ATF7IP: variants seen among roughly 807,000 people sequenced by gnomAD.
ATF7IP encodes activating transcription factor 7-interacting protein 1.
In ATF7IP, 23 loss-of-function variants were observed where a neutral mutation model predicts 106.4. The observed-to-expected ratio is 0.22, with a 90% confidence interval of 0.16 to 0.31. The LOEUF is 0.31. ATF7IP is among the 10% of genes least tolerant of loss of function. The pLI, the probability that ATF7IP is intolerant of heterozygous loss-of-function variation, is 1.00. For synonymous variants in ATF7IP, 542 were observed against 539.0 expected (o/e 1.01, Z -0.08); for missense variants, 1,334 against 1,524.3 (o/e 0.88, Z 2.08).
chr12:14,474,678 C>T (rs578243420), intron 10 of ATF7IP, among the ~76,000 whole-genome samples: 105 of 152,196 alleles, frequency 6.9e-4, no homozygotes, highest in African/African-American at 2.5e-3. Context: ...GGATTACAGG[C>T]GCGAGCCACT....
chr12:14,412,850 C>T (rs140266868), intron 1 of ATF7IP, among the ~76,000 whole-genome samples: 25 of 152,124 alleles, frequency 1.6e-4, no homozygotes, highest in African/African-American at 5.8e-4. Flanking sequence ...CCCGTCTCTA[C>T]TAAAAATACA....
intron 2 of ATF7IP, among the ~76,000 whole-genome samples, chr12:14,432,563 T>C (rs1402345816): frequency 2.0e-5 from 3 of 152,220 alleles, no homozygotes; most frequent in Admixed American, 6.5e-5. Context: ...TGTACTGTGT[T>C]AGCTTATTGT....
chr12:14,416,310 C>T (rs1941204114), intron 1 of ATF7IP, among the ~76,000 whole-genome samples: 1 of 151,914 alleles, frequency 6.6e-6, no homozygotes, highest in African/African-American at 2.4e-5. Context: ...AAAATAAACT[C>T]AAATTAAAAT....
intron 1 of ATF7IP, among the ~76,000 whole-genome samples, chr12:14,374,945 TGG>T (rs751398413): frequency 1.3e-5 from 2 of 152,170 alleles, no homozygotes; most frequent in Non-Finnish European, 2.9e-5. Flanking sequence ...ATAAGTTTCC[TGG>T]GGTTAGGAAT....
intron 13 of ATF7IP, among the ~76,000 whole-genome samples, chr12:14,484,418 C>A (rs924269978): frequency 2.0e-5 from 3 of 152,220 alleles, no homozygotes; most frequent in Admixed American, 1.3e-4. Context: ...CAAATATCTT[C>A]ATAGTTTTTG....
intron 1 of ATF7IP, among the ~76,000 whole-genome samples, chr12:14,410,715 A>G (rs115685886): frequency 0.018 from 2,727 of 152,160 alleles, 87 homozygotes; most frequent in African/African-American, 0.063. Context: ...GTTATTGTCA[A>G]TCTCTTACTG....
At chr12:14,387,330 T>C (rs1287065189) in intron 1 of ATF7IP, among the ~76,000 whole-genome samples, 2 of 152,256 alleles carry the variant, frequency 1.3e-5, no homozygotes, top group East Asian at 1.9e-4. Context: ...TTGATCACTC[T>C]TATTTTCATG....
rs768457241 is a variant in ATF7IP at position 14,425,357 on chromosome 12, A to C, written c.1442A>C (p.Gln481Pro). The C allele has an allele frequency of 1.2e-6, 2 of 1,612,890 alleles. No homozygotes were observed. The highest frequency in any genetic ancestry group is 1.7e-6 in the Non-Finnish European group (2 of 1,179,718). ...MESSFGSPSK[Q>P]ESSESLPKEA... Reference sequence around the variant, plus strand: ...AGTTCTTTTGGTTCACCATCTAAACAAGAAAGTAGTGAGAGTTTGCCAAAA... The same window carrying C: ...AGTTCTTTTGGTTCACCATCTAAACCAGAAAGTAGTGAGAGTTTGCCAAAA... Residue 481 changes from glutamine to proline, a missense_variant, in exon 2 of 15, where the codon CAA becomes CCA. This residue lies in a region of ATF7IP where 41 missense variants were observed against 60.4 expected (regional missense o/e 0.68). Coordinates refer to ENST00000261168, the MANE Select transcript of ATF7IP (RefSeq NM_018179.5).
chr12:14,453,917 G>A (rs1218181761), intron 6 of ATF7IP, among the ~76,000 whole-genome samples: 3 of 152,174 alleles, frequency 2.0e-5, no homozygotes, highest in African/African-American at 7.2e-5. Flanking sequence ...GAGCCACCAG[G>A]CCTGGCCAGA....
intron 9 of ATF7IP, among the ~76,000 whole-genome samples, chr12:14,464,763 C>A (rs1943765462): frequency 1.3e-5 from 2 of 152,162 alleles, no homozygotes; most frequent in African/African-American, 4.8e-5. Flanking sequence ...TAAGGAATAT[C>A]ATTACAGTTT....
At chr12:14,455,523 G>T (rs1943391163) in intron 6 of ATF7IP, among the ~76,000 whole-genome samples, 1 of 152,178 alleles carries the variant, frequency 6.6e-6, no homozygotes, top group African/African-American at 2.4e-5. Context: ...TACTACCTTT[G>T]GTTTAATATG....
chr12:14,403,375 A>G (rs1190669170), intron 1 of ATF7IP, among the ~76,000 whole-genome samples: 3 of 151,908 alleles, frequency 2.0e-5, no homozygotes, highest in Non-Finnish European at 4.4e-5. Context: ...AACCAGGAAT[A>G]TGAGGATAAA....
intron 5 of ATF7IP, among the ~76,000 whole-genome samples, chr12:14,438,994 G>A (rs1313338004): frequency 3.3e-5 from 5 of 151,996 alleles, no homozygotes; most frequent in East Asian, 3.9e-4. Context: ...ACCTCCTTTC[G>A]TGGACCTTAT....
chr12:14,440,228 A>G (rs372662179), intron 5 of ATF7IP, among the ~76,000 whole-genome samples: 1 of 152,158 alleles, frequency 6.6e-6, no homozygotes, highest in African/African-American at 2.4e-5. Context: ...TCATTAGGCC[A>G]TCATTACCCA....
At position 14,424,186 on chromosome 12, in the gene ATF7IP, A is replaced by G. The variant is rs759616478; in HGVS notation, c.271A>G (p.Thr91Ala). The change falls in exon 2 of 15, where the codon ACA becomes GCA. Residue 91 changes from threonine to alanine, a missense_variant. Coordinates refer to ENST00000261168, the MANE Select transcript of ATF7IP (RefSeq NM_018179.5). ...AGGAAGTAAAGCAGAATGGAAGGAA[A>G]CACCCTGTATCCTAAGTGTTAATGT... is the stretch of plus-strand genomic sequence containing the variant. ...PEGSKAEWKE[T>A]PCILSVNVKN... The G allele has an allele frequency of 4.3e-6, 7 of 1,614,178 alleles. No homozygotes were observed. The East Asian group carries it at 1.3e-4, about 31-fold the overall frequency.
intron 1 of ATF7IP, among the ~76,000 whole-genome samples, chr12:14,366,423 TC>T (rs1938296656): frequency 6.6e-6 from 1 of 152,236 alleles, no homozygotes; most frequent in Non-Finnish European, 1.5e-5. Flanking sequence ...TTTTACCTGT[TC>T]TGTTATGGAT....
Position 14,376,739 on chromosome 12 carries a change from A to G in ATF7IP, c.-8+10912A>G, listed in dbSNP as rs1015222042. On this transcript the variant is annotated intron_variant, in intron 1 of 14. Coordinates refer to ENST00000261168, the MANE Select transcript of ATF7IP (RefSeq NM_018179.5). ...TTATTCTCTTCAAAGCTTGGAATCT[A>G]TAAGCTGTGGAAGAGATACTAAATT... Among the ~76,000 whole-genome samples, 6 of 152,292 alleles carry G rather than the reference A, an allele frequency of 3.9e-5. No homozygotes were observed. The East Asian group carries it at 1.2e-3, about 29-fold the overall frequency.
In ATF7IP at chr12:14,424,730, G is replaced by A. The variant is rs771454308; in HGVS notation, c.815G>A (p.Gly272Asp). 2 of 1,614,114 alleles carry A rather than the reference G, an allele frequency of 1.2e-6. No homozygotes were observed. Among genetic ancestry groups the A allele is most frequent in the South Asian group, 2.2e-5 (2 of 91,084 alleles). The change falls in exon 2 of 15, where the codon GGT becomes GAT. Residue 272 changes from glycine to aspartate, a missense_variant. Physicochemically the swap from Gly to Asp is moderately conservative, Grantham distance 94. This residue lies in a region of ATF7IP where 438 missense variants were observed against 405.3 expected (regional missense o/e 1.08). Transcript: ENST00000261168. ...CTGGCCTCTGATGATCTGGCCACTG[G>A]TGAACTGGCCTCTGATGAGCTGACT... Reference protein sequence around the residue: ...SELASDDLATGELASDELTSE... With the variant: ...SELASDDLATDELASDELTSE...
chr12:14,450,737 T>C (rs1005435314), intron 6 of ATF7IP, among the ~76,000 whole-genome samples: 11 of 152,196 alleles, frequency 7.2e-5, no homozygotes, highest in Admixed American at 1.3e-4. Context: ...GGTAGTATCC[T>C]CCAGTGAAGC....
Sources: gnomAD v4.1 joint callset for allele counts (sites outside exome capture counted in the v4.1 genomes callset) on GRCh38, gnomAD v4.1.1 for gene constraint, gnomAD v4.1.1 regional missense constraint, MANE v1.5 for transcripts, NCBI Gene and HGNC (gene_info 2026-07-23, HGNC 2026-07-21) for gene names.